Variants in TPM1 observed in about 807,000 individuals in gnomAD.
TPM1 encodes the protein tropomyosin 1.
TPM1 carries 24 observed loss-of-function variants against 42.9 expected under a neutral mutation model. The ratio of observed to expected loss-of-function variants is 0.56; its 90% CI spans 0.41 to 0.79. TPM1 has a LOEUF of 0.79. Among genes scored for constraint, TPM1 ranks in the 30% least tolerant of loss-of-function variants. TPM1 has a pLI of 0.00. For synonymous variants in TPM1, 136 were observed against 130.1 expected (o/e 1.05, Z -0.31); for missense variants, 158 against 351.8 (o/e 0.45, Z 4.41).
intron 2 of TPM1, among the ~76,000 whole-genome samples, chr15:63,050,902 A>G (rs949424552): frequency 6.6e-6 from 1 of 152,252 alleles, no homozygotes; most frequent in African/African-American, 2.4e-5. Context: ...TGCAAAAAAT[A>G]TTTGACCAGA....
chr15:63,048,851 T>G (rs764012800), intron 2 of TPM1: 101 of 1,153,816 alleles, frequency 8.8e-5, no homozygotes, highest in Non-Finnish European at 1.2e-4. Context: ...CTGGGCCAGC[T>G]GGCGGCGGGC....
At chr15:63,048,487 G>A in intron 2 of TPM1, 11 of 1,436,870 alleles carry the variant, frequency 7.7e-6, no homozygotes, top group East Asian at 2.9e-5. Context: ...CCGGCGCTGG[G>A]CAGCCAGGAC....
At chr15:63,063,194 A>T (rs1303471700) in intron 8 of TPM1, 1 of 985,352 alleles carries the variant, frequency 1.0e-6, no homozygotes, top group African/African-American at 1.7e-5. Context: ...TAACCACTCT[A>T]TCTCACAGAT....
At chr15:63,064,178 C>A in intron 9 of TPM1, 36 bp downstream of exon 9, 1 of 1,604,824 alleles carries the variant, frequency 6.2e-7, no homozygotes. Context: ...TTACACCCTG[C>A]CCTCATGCTA....
intron 4 of TPM1, 141 bp from the exon 5 acceptor site, chr15:63,060,728 T>C: frequency 1.1e-6 from 1 of 918,156 alleles, no homozygotes. Flanking sequence ...GTTGCTTCTC[T>C]CTGGTCTACC....
At position 63,059,836 on chromosome 15, in the gene TPM1, G is replaced by A. The variant is rs190796744; in HGVS notation, c.492+156G>A. 5.7e-4 allele frequency: 319 copies of A among 556,788 alleles called. 1 individual carries two copies. Among genetic ancestry groups the A allele is most frequent in the Non-Finnish European group, 1.5e-4 (46 of 298,000 alleles). 34.5% of individuals were successfully genotyped at this position (556,788 alleles called of 1,614,324 possible). On this transcript the variant is annotated intron_variant, in intron 4 of 9. Coordinates refer to ENST00000403994, the MANE Select transcript of TPM1 (RefSeq NM_001018005.2). Reference sequence around the variant, plus strand: ...CAGAGTTCCTTTGTGTCCAGAAAACGGTTCTAATTTTAATCCTGCTAGGGG... The same window carrying A: ...CAGAGTTCCTTTGTGTCCAGAAAACAGTTCTAATTTTAATCCTGCTAGGGG...
chr15:63,057,915 G>A (rs1244267622), intron 3 of TPM1, among the ~76,000 whole-genome samples: 1 of 152,178 alleles, frequency 6.6e-6, no homozygotes, highest in Non-Finnish European at 1.5e-5. Flanking sequence ...ATAGCATGAA[G>A]GGGCTCAGAG....
At chr15:63,055,341 T>C (rs2034615259) in intron 2 of TPM1, among the ~76,000 whole-genome samples, 1 of 152,242 alleles carries the variant, frequency 6.6e-6, no homozygotes, top group African/African-American at 2.4e-5. Context: ...TGGTTGGAGA[T>C]GCCCTACTCA....
intron 2 of TPM1, 125 bp downstream of exon 2, chr15:63,044,277 C>T: frequency 7.0e-7 from 1 of 1,434,334 alleles, no homozygotes; most frequent in Non-Finnish European, 9.7e-7. Context: ...CACAGCCCTG[C>T]CATGGCCCAG....
At chr15:63,054,882 C>T (rs962653297) in intron 2 of TPM1, among the ~76,000 whole-genome samples, 3 of 151,888 alleles carry the variant, frequency 2.0e-5, no homozygotes, top group Admixed American at 6.6e-5. Flanking sequence ...TTTGTTTGCC[C>T]TTTGTTTTTG....
At chr15:63,059,510 T>G in intron 3 of TPM1, 53 bp from the exon 4 acceptor site, 1 of 1,422,526 alleles carries the variant, frequency 7.0e-7, no homozygotes, top group Non-Finnish European at 9.9e-7. Context: ...GCAGTGTGCA[T>G]TTGGGAAGTT....
chr15:63,062,088 T>C (rs1409758331), intron 6 of TPM1, 127 bp from the exon 7 acceptor site: 1 of 832,410 alleles, frequency 1.2e-6, no homozygotes, highest in African/African-American at 1.7e-5. Context: ...CCATTTGATA[T>C]CAGAGGTTCC....
At chr15:63,063,055 C>T in intron 8 of TPM1, 25 of 983,326 alleles carry the variant, frequency 2.5e-5, no homozygotes, top group Non-Finnish European at 3.0e-5. Context: ...AGTATGAATT[C>T]AAAGTAAGGA....
chr15:63,066,270 T>C (rs2036266908), downstream of TPM1: 6 of 1,016,122 alleles, frequency 5.9e-6, no homozygotes, highest in Non-Finnish European at 7.4e-6. Flanking sequence ...TAGTTCCTTG[T>C]TGAACTTCAA....
rs746952638 is a variant in TPM1 at position 63,043,766 on chromosome 15, C to T, written c.115-261C>T. The T allele has an allele frequency of 3.2e-6, 5 of 1,549,762 alleles. No homozygotes were observed. Among genetic ancestry groups the T allele is most frequent in the Non-Finnish European group, 4.4e-6 (5 of 1,147,042 alleles). ...GCGGGTGTCGGAGGACGAGCGGGAC[C>T]GGGTGCTGGAGGAGCTGCACAAGGC... On this transcript the variant is annotated intron_variant, in intron 1 of 9. Coordinates refer to ENST00000403994, the MANE Select transcript of TPM1 (RefSeq NM_001018005.2).
At chr15:63,056,580 T>C (rs2140902271) in intron 2 of TPM1, 1 of 252,244 alleles carries the variant, frequency 4.0e-6, no homozygotes, top group South Asian at 4.5e-5. Context: ...GGCAGGAGAA[T>C]GGCGTGAATC....
At chr15:63,044,572 G>A (rs2031985886) in intron 2 of TPM1, 3 of 397,562 alleles carry the variant, frequency 7.5e-6, no homozygotes, top group Middle Eastern at 7.0e-4. Flanking sequence ...TTTGGTGGTG[G>A]GTCTAGTCAG....
At position 63,060,106 on chromosome 15, in the gene TPM1, C is replaced by G. The variant is rs114374729; in HGVS notation, c.492+426C>G. ...TTTCTCAGTGGATTCACAGAGGCCT[C>G]TCTCCTCAAGGGTGGTAGAAAACTA... On this transcript the variant is annotated intron_variant, in intron 4 of 9. Coordinates refer to ENST00000403994, the MANE Select transcript of TPM1 (RefSeq NM_001018005.2). The G allele has an allele frequency of 8.5e-3, 1,972 of 230,922 alleles. 47 individuals are homozygous for G. Among genetic ancestry groups the G allele is most frequent in the African/African-American group, 0.039 (1,760 of 44,644 alleles). The allele number at this position is 230,922 out of a possible 1,614,324, so 14.3% of individuals were successfully genotyped here.
intron 2 of TPM1, chr15:63,049,227 G>A (rs146903018): frequency 3.3e-4 from 62 of 186,594 alleles, no homozygotes; most frequent in Non-Finnish European, 6.5e-4. Context: ...CTGTGTCTCC[G>A]AGGCGGTAGA....
Sources: gnomAD v4.1 joint callset for allele counts (sites outside exome capture counted in the v4.1 genomes callset) on GRCh38, gnomAD v4.1.1 for gene constraint, MANE v1.5 for transcripts, NCBI Gene and HGNC (gene_info 2026-07-23, HGNC 2026-07-21) for gene names.